The following AP1M1 variants were observed in gnomAD, a reference collection of about 807,000 sequenced individuals.
AP1M1 encodes the protein AP-1 complex subunit mu-1.
AP1M1 carries 18 observed loss-of-function variants against 57.1 expected under a neutral mutation model. That is an observed-to-expected ratio of 0.32 (90% CI 0.22 to 0.47). The LOEUF is 0.47. AP1M1 is among the 20% of genes least tolerant of loss of function. The pLI is 1.00. For missense variants in AP1M1, 362 were observed against 593.5 expected, an observed-to-expected ratio of 0.61 and a Z score of 4.05; for synonymous variants, 241 against 237.9, an observed-to-expected ratio of 1.01 and a Z score of -0.12.
In AP1M1 at chr19:16,227,066, C is replaced by T. The variant is rs892947334; in HGVS notation, c.674-482C>T. 3.9e-5 allele frequency among the ~76,000 whole-genome samples: 6 copies of T among 152,192 alleles called. No homozygotes were observed. The highest frequency in any genetic ancestry group is 1.2e-4 in the African/African-American group (5 of 41,458). ...AGGGTGCAGTGGCTGGGCATGCCCCCGTTCCTAGCCCGGTGAGGGCTTCTC... is the reference window on the plus strand; with the variant it reads ...AGGGTGCAGTGGCTGGGCATGCCCCTGTTCCTAGCCCGGTGAGGGCTTCTC... On this transcript the variant is annotated intron_variant, in intron 6 of 11. Transcript: ENST00000291439. The surrounding 1 kb of genome is among the most constrained non-coding windows in gnomAD (Gnocchi z 6.2).
Position 16,206,390 on chromosome 19 carries a change from C to T in AP1M1, c.249C>T (p.Phe83=). The T allele has an allele frequency of 1.9e-6, 3 of 1,614,074 alleles. No homozygotes were observed. The highest frequency in any genetic ancestry group is 2.2e-5 in the South Asian group (2 of 91,070). ...KNACVSLVFS[F]LYKVVQVFSE... is the part of the protein sequence containing the mutation. Reference sequence around the variant, plus strand: ...CGTGCGTGTCGCTGGTCTTTTCTTTCCTCTATAAGGTGGTGCAGGTGAGTC... The same window carrying T: ...CGTGCGTGTCGCTGGTCTTTTCTTTTCTCTATAAGGTGGTGCAGGTGAGTC... Residue 83 remains phenylalanine (F), a synonymous_variant, in exon 3 of 12, where the codon TTC becomes TTT. Coordinates refer to ENST00000291439, the MANE Select transcript of AP1M1 (RefSeq NM_032493.4). This position sits in a 1 kb window ranked among gnomAD's most constrained non-coding sequence, Gnocchi z 4.3.
chr19:16,210,395 G>T, intron 5 of AP1M1: 1 of 718,268 alleles, frequency 1.4e-6, no homozygotes, highest in South Asian at 1.5e-5. Flanking sequence ...TGGGTCACAC[G>T]GTAAGTGTAT....
Position 16,234,284 on chromosome 19 carries a change from G to T in AP1M1, c.1249+10G>T. 1 of 1,613,410 alleles carries T rather than the reference G, an allele frequency of 6.2e-7. No individual in the cohort carries two copies. The highest frequency in any genetic ancestry group is 8.5e-7 in the Non-Finnish European group (1 of 1,179,506). ...ATCACGCAGAATGGAGGTGAGTGAGGCCCTACCCGTGGGGTGGGGTTGTAC... is the reference window on the plus strand; with the variant it reads ...ATCACGCAGAATGGAGGTGAGTGAGTCCCTACCCGTGGGGTGGGGTTGTAC... On this transcript the variant is annotated intron_variant, in intron 11 of 11. Transcript: ENST00000291439.
Position 16,203,490 on chromosome 19 carries a change from T to TGGACATG in AP1M1, c.75_81dup (p.Ser28GlyfsTer61). On this transcript the variant is annotated frameshift_variant, in exon 2 of 12. Transcript: ENST00000291439. LOFTEE classifies it high-confidence loss of function. This position sits in a 1 kb window ranked among gnomAD's most constrained non-coding sequence, Gnocchi z 4.6. ...ATCTGCCGGAACTACCGTGGCGACG[T>TGGACATG]GGACATGTCAGAGGTGGAGCACTTC... The TGGACATG allele has an allele frequency of 6.2e-7, 1 of 1,614,174 alleles. No homozygotes were observed. The highest frequency in any genetic ancestry group is 2.2e-5 in the East Asian group (1 of 44,882).
At position 16,197,966 on chromosome 19, in the gene AP1M1, TC is replaced by T. The variant is rs1266013187; in HGVS notation, c.-57del. On this transcript the variant is annotated 5_prime_UTR_variant, in exon 1 of 12. Coordinates refer to ENST00000291439, the MANE Select transcript of AP1M1 (RefSeq NM_032493.4). ...CCCGGCCTTGCTCAACGCCCAGCAG[TC>T]CCCACCGTCGCTGCCGCCGCCACCG... 28 of 1,075,216 alleles carry T rather than the reference TC, an allele frequency of 2.6e-5. No homozygotes were observed. The East Asian group carries it at 3.0e-3, about 114-fold the overall frequency. 66.6% of individuals were successfully genotyped at this position (1,075,216 alleles called of 1,614,324 possible). A position where few individuals can be genotyped will look rare whatever the true frequency, so the allele number is the denominator to read the frequency against.
At chr19:16,223,874 C>T (rs1323277381) in intron 5 of AP1M1, among the ~76,000 whole-genome samples, 1 of 152,256 alleles carries the variant, frequency 6.6e-6, no homozygotes, top group Admixed American at 6.5e-5. Context: ...GCCTCACCAG[C>T]CGCTTGCTTT....
At chr19:16,226,736 G>GC in intron 6 of AP1M1, 189 bp downstream of exon 6, 1 of 749,162 alleles carries the variant, frequency 1.3e-6, no homozygotes, top group Non-Finnish European at 2.0e-6. Flanking sequence ...AGGTGCAGGG[G>GC]AGTGAAGATC....
At chr19:16,234,386 G>A in intron 11 of AP1M1, 27 bp from the exon 12 acceptor site, 4 of 1,613,954 alleles carry the variant, frequency 2.5e-6, no homozygotes, top group Non-Finnish European at 3.4e-6. Flanking sequence ...GCAGAGCCCA[G>A]CATGACGCCT....
rs925467192 is a variant in AP1M1, at chr19:16,220,204, C to CA, written c.547-6209dup. Among the ~76,000 whole-genome samples, 55 of 151,726 alleles carry CA rather than the reference C, an allele frequency of 3.6e-4. 1 individual carries two copies. Among genetic ancestry groups the CA allele is most frequent in the Admixed American group, 2.4e-3 (36 of 15,240 alleles). Reference sequence around the variant, plus strand: ...ACAAAATGCTTTTAACTATTAATTTCAAAAAAAAGTGTTTTCTTGAGTCAG... The same window carrying CA: ...ACAAAATGCTTTTAACTATTAATTTCAAAAAAAAAGTGTTTTCTTGAGTCAG... On this transcript the variant is annotated intron_variant, in intron 5 of 11. Coordinates refer to ENST00000291439, the MANE Select transcript of AP1M1 (RefSeq NM_032493.4).
chr19:16,220,809 T>A (rs1228757246), intron 5 of AP1M1, among the ~76,000 whole-genome samples: 1 of 152,264 alleles, frequency 6.6e-6, no homozygotes, highest in Non-Finnish European at 1.5e-5. Context: ...CTATTTTCAC[T>A]GGATATGGAC....
chr19:16,214,051 T>C (rs1023746064), intron 5 of AP1M1, among the ~76,000 whole-genome samples: 1 of 99,580 alleles, frequency 1.0e-5, no homozygotes, highest in African/African-American at 2.8e-5. Context: ...CTTTCCTTTT[T>C]CTTTTTTTTT....
At chr19:16,215,209 GGGAGA>G (rs1568351047) in intron 5 of AP1M1, among the ~76,000 whole-genome samples, 11 of 41,690 alleles carry the variant, frequency 2.6e-4, no homozygotes, top group South Asian at 1.1e-3. Context: ...GCGGGGGGGG[GGGAGA>G]GGGGGGAGGG....
intron 5 of AP1M1, 38 bp from the exon 6 acceptor site, chr19:16,226,383 T>C (rs953913752): frequency 5.3e-6 from 8 of 1,506,830 alleles, no homozygotes; most frequent in South Asian, 1.2e-5. Flanking sequence ...GGCTGGTGAG[T>C]TGGGGACCTC....
intron 5 of AP1M1, among the ~76,000 whole-genome samples, chr19:16,221,606 T>A (rs987816040): frequency 6.6e-6 from 1 of 152,194 alleles, no homozygotes; most frequent in Non-Finnish European, 1.5e-5. Context: ...AAAACAAATA[T>A]CTTGGTTAAA....
chr19:16,218,545 T>C (rs2091528713), intron 5 of AP1M1, among the ~76,000 whole-genome samples: 3 of 152,150 alleles, frequency 2.0e-5, no homozygotes, highest in African/African-American at 7.2e-5. Context: ...CTGCCTTCCA[T>C]CCAGCCTCTA....
chr19:16,234,522 C>T lies in AP1M1; in HGVS notation c.*87C>T. The T allele has an allele frequency of 1.3e-6, 2 of 1,555,908 alleles. No individual in the cohort carries two copies. The highest frequency in any genetic ancestry group is 2.3e-5 in the South Asian group (2 of 87,732). On this transcript the variant is annotated 3_prime_UTR_variant, in exon 12 of 12. Coordinates refer to ENST00000291439, the MANE Select transcript of AP1M1 (RefSeq NM_032493.4). Reference sequence around the variant, plus strand: ...CTGCCAAACCCACCAGATGGAGGGGCCCTCCCTGGTCTCTGGCCACCCTCC... The same window carrying T: ...CTGCCAAACCCACCAGATGGAGGGGTCCTCCCTGGTCTCTGGCCACCCTCC...
intron 9 of AP1M1, 75 bp downstream of exon 9, chr19:16,229,003 C>A: frequency 6.5e-7 from 1 of 1,533,752 alleles, no homozygotes; most frequent in Non-Finnish European, 8.9e-7. Flanking sequence ...CTCAGGACCC[C>A]CTGCACCTCA....
intron 5 of AP1M1, among the ~76,000 whole-genome samples, chr19:16,221,498 A>G (rs1033797643): frequency 1.3e-5 from 2 of 152,230 alleles, no homozygotes; most frequent in South Asian, 2.1e-4. Context: ...CTGACTGGCT[A>G]ATAACTTAAA....
In AP1M1 at chr19:16,227,398, C is replaced by T. The variant is rs1377321497; in HGVS notation, c.674-150C>T. 10 of 860,956 alleles carry T rather than the reference C, an allele frequency of 1.2e-5. No homozygotes were observed. In the East Asian group the frequency reaches 2.1e-4, roughly 18 times the overall value. The allele number at this position is 860,956 out of a possible 1,614,324, so 53.3% of individuals were successfully genotyped here. The stretch of plus-strand genomic sequence containing the variant: ...GAGTGATGGGGCAGTTGTCTTGGGA[C>T]CCAGCCCCCTTGGTGTTTGTGGCCC... On this transcript the variant is annotated intron_variant, in intron 6 of 11. Transcript: ENST00000291439. This position sits in a 1 kb window ranked among gnomAD's most constrained non-coding sequence, Gnocchi z 6.2.
Sources: allele counts gnomAD v4.1 joint callset (sites outside exome capture counted in the v4.1 genomes callset), GRCh38; gene constraint gnomAD v4.1.1; non-coding constraint Gnocchi (gnomAD v3.1); transcripts MANE v1.5; gene names NCBI Gene and HGNC (gene_info 2026-07-23, HGNC 2026-07-21).